The following CDC42BPA variants were observed in gnomAD, a reference collection of about 807,000 sequenced individuals.
CDC42BPA encodes the protein serine/threonine-protein kinase MRCK alpha.
In CDC42BPA, 80 loss-of-function variants were observed where a neutral mutation model predicts 223.5. The ratio of observed to expected loss-of-function variants is 0.36; its 90% CI spans 0.30 to 0.43. CDC42BPA has a LOEUF of 0.43. Ranked by LOEUF, CDC42BPA falls within the 20% of genes least tolerant of loss-of-function variation. CDC42BPA has a pLI of 1.00. For missense variants in CDC42BPA, 1,743 were observed against 2,099.9 expected, an observed-to-expected ratio of 0.83 and a Z score of 3.32; for synonymous variants, 694 against 718.6, an observed-to-expected ratio of 0.97 and a Z score of 0.55.
intron 1 of CDC42BPA, among the ~76,000 whole-genome samples, chr1:227,297,561 A>G (rs906316541): frequency 1.3e-5 from 2 of 152,178 alleles, no homozygotes; most frequent in Admixed American, 1.3e-4. Context: ...ATGAACAGAT[A>G]AACAGAATGT....
At chr1:227,233,392 A>G (rs1377631100) in intron 2 of CDC42BPA, among the ~76,000 whole-genome samples, 2 of 152,056 alleles carry the variant, frequency 1.3e-5, no homozygotes, top group Non-Finnish European at 2.9e-5. Context: ...TAAAGCTGTA[A>G]TAGTGTTAAC....
chr1:227,144,760 C>G (rs1660400897), intron 8 of CDC42BPA, among the ~76,000 whole-genome samples: 1 of 152,034 alleles, frequency 6.6e-6, no homozygotes, highest in Non-Finnish European at 1.5e-5. Context: ...AATTATTTGG[C>G]TATTGGACTG....
intron 26 of CDC42BPA, among the ~76,000 whole-genome samples, chr1:227,033,817 C>A (rs1411096878): frequency 6.6e-6 from 1 of 152,144 alleles, no homozygotes; most frequent in Non-Finnish European, 1.5e-5. Context: ...ATTTCCTCCA[C>A]AATAATTTCT....
chr1:227,213,705 T>C (rs539109956), intron 2 of CDC42BPA, among the ~76,000 whole-genome samples: 1 of 152,148 alleles, frequency 6.6e-6, no homozygotes, highest in African/African-American at 2.4e-5. Context: ...CTGAAAACGA[T>C]CCTATTTTTC....
Position 226,994,126 on chromosome 1 carries a change from G to C in CDC42BPA, c.*142C>G, listed in dbSNP as rs1286798240. 8.7e-6 allele frequency: 6 copies of C among 686,790 alleles called. No homozygotes were observed. In the Middle Eastern group the frequency reaches 1.2e-3, roughly 140 times the overall value. The allele number at this position is 686,790 out of a possible 1,614,324, so 42.5% of individuals were successfully genotyped here. ...CGTGGATCTGAGAGTCGTGTCGTCA[G>C]AACTCCTGAATCCCTGTCCTGCTAC... On this transcript the variant is annotated 3_prime_UTR_variant, in exon 37 of 37. Coordinates refer to ENST00000366766, the MANE Select transcript of CDC42BPA (RefSeq NM_001394014.1). The surrounding 1 kb of genome is among the most constrained non-coding windows in gnomAD (Gnocchi z 4.0).
intron 17 of CDC42BPA, 105 bp downstream of exon 17, chr1:227,080,788 C>G (rs553987779): frequency 7.9e-7 from 1 of 1,267,790 alleles, no homozygotes; most frequent in East Asian, 2.3e-5. Context: ...TTTATCACAT[C>G]TGACAAATGA....
chr1:227,024,391 A>T (rs542858896), intron 31 of CDC42BPA, among the ~76,000 whole-genome samples: 2 of 152,302 alleles, frequency 1.3e-5, no homozygotes, highest in South Asian at 4.1e-4. Flanking sequence ...ATTACTTTGG[A>T]AAATAATATG....
chr1:227,282,972 A>C (rs1318822108), intron 1 of CDC42BPA, among the ~76,000 whole-genome samples: 5 of 151,936 alleles, frequency 3.3e-5, no homozygotes, highest in Non-Finnish European at 5.9e-5. Flanking sequence ...TACACTTAAA[A>C]AAGATTTAAA....
At chr1:227,195,347 C>T (rs896581821) in intron 4 of CDC42BPA, among the ~76,000 whole-genome samples, 2 of 152,124 alleles carry the variant, frequency 1.3e-5, no homozygotes, top group Non-Finnish European at 2.9e-5. Flanking sequence ...GCACGCACCA[C>T]CACACCCAGC....
intron 23 of CDC42BPA, among the ~76,000 whole-genome samples, chr1:227,044,557 T>A (rs983764913): frequency 1.3e-5 from 2 of 152,216 alleles, no homozygotes; most frequent in African/African-American, 4.8e-5. Flanking sequence ...TCTCCTTTTT[T>A]AAAAGCTATT....
At chr1:227,278,856 T>A (rs1687555466) in intron 1 of CDC42BPA, among the ~76,000 whole-genome samples, 1 of 152,166 alleles carries the variant, frequency 6.6e-6, no homozygotes, top group Admixed American at 6.5e-5. Context: ...TTCTTGGAAT[T>A]TTTAGCACTG....
At chr1:227,232,713 G>A (rs200928302) in intron 2 of CDC42BPA, among the ~76,000 whole-genome samples, 2 of 152,218 alleles carry the variant, frequency 1.3e-5, no homozygotes, top group East Asian at 3.9e-4. Flanking sequence ...CACCAGCAGA[G>A]GCTGCAGAAC....
At chr1:227,093,538 C>T (rs1182666615) in intron 15 of CDC42BPA, among the ~76,000 whole-genome samples, 1 of 152,148 alleles carries the variant, frequency 6.6e-6, no homozygotes, top group Non-Finnish European at 1.5e-5. Flanking sequence ...CTGAGTGTCA[C>T]CAATAGCTAT....
intron 1 of CDC42BPA, among the ~76,000 whole-genome samples, chr1:227,274,038 C>T (rs1686502465): frequency 7.1e-6 from 1 of 141,494 alleles, no homozygotes; most frequent in Non-Finnish European, 1.5e-5. Flanking sequence ...GTATTTCCCC[C>T]ACCCTGTAAA....
intron 8 of CDC42BPA, among the ~76,000 whole-genome samples, chr1:227,144,574 C>CAAAAAAAAAAAA (rs57568297): frequency 5.2e-4 from 33 of 63,486 alleles, no homozygotes; most frequent in Non-Finnish European, 7.3e-4. Flanking sequence ...GACTCTGTCT[C>CAAAAAAAAAAAA]AAAAAAAAAA....
intron 6 of CDC42BPA, among the ~76,000 whole-genome samples, chr1:227,153,659 G>T (rs1662198024): frequency 6.6e-6 from 1 of 151,800 alleles, no homozygotes; most frequent in Non-Finnish European, 1.5e-5. Flanking sequence ...AATTTTCATT[G>T]AAAAGACTAT....
intron 5 of CDC42BPA, among the ~76,000 whole-genome samples, chr1:227,182,085 C>G (rs747488324): frequency 3.3e-5 from 5 of 152,130 alleles, no homozygotes; most frequent in Non-Finnish European, 7.4e-5. Context: ...TGATTTTCCT[C>G]CTAACCTCTG....
intron 2 of CDC42BPA, among the ~76,000 whole-genome samples, chr1:227,238,090 T>C (rs1219896321): frequency 6.8e-6 from 1 of 147,656 alleles, no homozygotes; most frequent in East Asian, 2.0e-4. Context: ...CAGTGGCTCA[T>C]GTCTGTAATC....
intron 21 of CDC42BPA, among the ~76,000 whole-genome samples, chr1:227,059,619 A>G (rs1165945064): frequency 6.6e-6 from 1 of 152,242 alleles, no homozygotes; most frequent in African/African-American, 2.4e-5. Context: ...AAGGTTGACA[A>G]ACTTTTCACT....
Sources: gnomAD v4.1 joint callset for allele counts (sites outside exome capture counted in the v4.1 genomes callset) on GRCh38, gnomAD v4.1.1 for gene constraint, Gnocchi (gnomAD v3.1) non-coding constraint, MANE v1.5 for transcripts, NCBI Gene and HGNC (gene_info 2026-07-23, HGNC 2026-07-21) for gene names.